The following RTBDN variants were observed in gnomAD, a reference collection of about 807,000 sequenced individuals.
RTBDN encodes the protein retbindin.
In RTBDN, 24 loss-of-function variants were observed where a neutral mutation model predicts 21.9. That is an observed-to-expected ratio of 1.10 (90% CI 0.79 to 1.54). RTBDN has a LOEUF of 1.54. Ranked by LOEUF, RTBDN falls within the 40% of genes most tolerant of loss-of-function variation. RTBDN has a pLI of 0.00. For missense variants in RTBDN, 325 were observed against 315.2 expected (o/e 1.03, Z -0.23); for synonymous variants, 141 against 125.9 (o/e 1.12, Z -0.80).
At chr19:12,834,819 C>A (rs1409539841), upstream of RTBDN, 3 of 1,614,194 alleles carry the variant, frequency 1.9e-6, no homozygotes, top group Admixed American at 3.3e-5. This position sits in a 1 kb window ranked among gnomAD's most constrained non-coding sequence, Gnocchi z 4.7. Flanking sequence ...AGCCGAGAAG[C>A]GTCCTCTGCT....
In RTBDN at chr19:12,828,930, C is replaced by A; in HGVS notation, c.193G>T (p.Asp65Tyr). 6.2e-7 allele frequency: 1 copy of A among 1,614,148 alleles called. No homozygotes were observed. Among genetic ancestry groups the A allele is most frequent in the Non-Finnish European group, 8.5e-7 (1 of 1,180,020 alleles). The change falls in exon 3 of 6, where the codon GAC becomes TAC. Residue 65 changes from aspartate to tyrosine, a missense_variant. By Grantham distance (160) the Asp-to-Tyr change is radical. Coordinates refer to ENST00000674343, the MANE Select transcript of RTBDN (RefSeq NM_001270441.2). ...LAGPCCPSEM[D>Y]TTETSGPGNH... ...CCAGGGCCCGATGTCTCTGTTGTGT[C>A]CATCTCTGAGGGACAACAAGGTCCT...
At chr19:12,828,321 G>A (rs1969403226) in intron 4 of RTBDN, among the ~76,000 whole-genome samples, 1 of 151,112 alleles carries the variant, frequency 6.6e-6, no homozygotes, top group Non-Finnish European at 1.5e-5. Flanking sequence ...GCTTGAACCC[G>A]GGAAGTGGAG....
chr19:12,826,226 G>A, intron 5 of RTBDN: 5 of 1,312,062 alleles, frequency 3.8e-6, no homozygotes, highest in Non-Finnish European at 3.9e-6. Context: ...GTCCTCCAGG[G>A]TAAAATGTGG....
intron 2 of RTBDN, chr19:12,829,166 G>A: frequency 1.3e-6 from 1 of 780,910 alleles, no homozygotes; most frequent in South Asian, 2.0e-5. Flanking sequence ...CATGTGCCTG[G>A]TAGTGACACA....
rs5827165 is a variant in RTBDN, at chr19:12,830,838, AGTGTGT to A, written c.-18-847_-18-842del. ...AAGCTCTGTATCTATATATGTGGGG[AGTGTGT>A]GTGTGTGTGTGTGTGTGTATGTGTG... On this transcript the variant is annotated intron_variant, in intron 1 of 5. Transcript: ENST00000674343. The surrounding 1 kb of genome is among the most constrained non-coding windows in gnomAD (Gnocchi z 4.2). Among the ~76,000 whole-genome samples, 2,879 of 146,824 alleles carry A rather than the reference AGTGTGT, an allele frequency of 0.02. 52 individuals carry two copies. Among genetic ancestry groups the A allele is most frequent in the Middle Eastern group, 0.096 (27 of 280 alleles).
At chr19:12,834,783 A>G (rs1002855374), upstream of RTBDN, 2 of 1,613,888 alleles carry the variant, frequency 1.2e-6, no homozygotes, top group Admixed American at 3.3e-5. The surrounding 1 kb of genome is among the most constrained non-coding windows in gnomAD (Gnocchi z 4.7). Flanking sequence ...AGGAGCTCCT[A>G]CCTCCAAGGT....
chr19:12,828,848 G>A (rs1969434031), intron 3 of RTBDN, 21 bp downstream of exon 3: 2 of 1,614,166 alleles, frequency 1.2e-6, no homozygotes, highest in East Asian at 2.2e-5. Flanking sequence ...GCGAGAAAAC[G>A]GTGGAGGGTG....
intron 1 of RTBDN, among the ~76,000 whole-genome samples, chr19:12,831,284 T>G (rs985382733): frequency 1.3e-5 from 2 of 152,232 alleles, no homozygotes; most frequent in African/African-American, 4.8e-5. Context: ...ACACATTATG[T>G]GTCCTTCTGA....
At position 12,830,233 on chromosome 19, in the gene RTBDN, C is replaced by T; in HGVS notation, c.-18-236G>A. 7.8e-7 allele frequency: 1 copy of T among 1,285,548 alleles called. No homozygotes were observed. The highest frequency in any genetic ancestry group is 9.9e-7 in the Non-Finnish European group (1 of 1,012,396). 79.6% of individuals were successfully genotyped at this position (1,285,548 alleles called of 1,614,324 possible). On this transcript the variant is annotated intron_variant, in intron 1 of 5. Transcript: ENST00000674343. The surrounding 1 kb of genome is among the most constrained non-coding windows in gnomAD (Gnocchi z 4.2). ...CTATGTCCCTTCAGTGCCACCCCAA[C>T]CAAGCTTAGACCACAGTGGCCCTCC...
upstream of RTBDN, chr19:12,834,849 G>C (rs1290560893): frequency 1.2e-6 from 2 of 1,614,200 alleles, no homozygotes; most frequent in South Asian, 1.1e-5. The surrounding 1 kb of genome is among the most constrained non-coding windows in gnomAD (Gnocchi z 4.7). Context: ...CTGCGTTTCT[G>C]AGGGGTTAGT....
In RTBDN at chr19:12,825,789, A is replaced by T; in HGVS notation, c.607T>A (p.Ser203Thr). 8 of 1,610,986 alleles carry T rather than the reference A, an allele frequency of 5.0e-6. No individual in the cohort carries two copies. The highest frequency in any genetic ancestry group is 6.8e-6 in the Non-Finnish European group (8 of 1,178,204). ...GTGCGAGGGCTGCGGGAACGCCGGG[A>T]GGGAGCTTCCCGGCCCCGTCGTCCT... ...RPGRRGREAPSRRSRSPRTSI... is the reference protein window; with the variant it reads ...RPGRRGREAPTRRSRSPRTSI... Residue 203 changes from serine to threonine, a missense_variant, in exon 6 of 6, where the codon TCC becomes ACC. Coordinates refer to ENST00000674343, the MANE Select transcript of RTBDN (RefSeq NM_001270441.2).
Position 12,828,923 on chromosome 19 carries a change from GT to G in RTBDN, c.199del (p.Thr67GlnfsTer196), listed in dbSNP as rs1309940590. Reference protein sequence around the residue: ...GPCCPSEMDTTETSGPGNHPE... With the variant: ...GPCCPSEMDTXETSGPGNHPE... ...ATGGTTTCCAGGGCCCGATGTCTCTGTTGTGTCCATCTCTGAGGGACAACAA... is the reference window on the plus strand; with the variant it reads ...ATGGTTTCCAGGGCCCGATGTCTCTGTGTGTCCATCTCTGAGGGACAACAA... On this transcript the variant is annotated frameshift_variant, in exon 3 of 6. Coordinates refer to ENST00000674343, the MANE Select transcript of RTBDN (RefSeq NM_001270441.2). LOFTEE classifies it high-confidence loss of function. 1 of 1,614,178 alleles carries G rather than the reference GT, an allele frequency of 6.2e-7. No individual in the cohort carries two copies. Among genetic ancestry groups the G allele is most frequent in the Non-Finnish European group, 8.5e-7 (1 of 1,180,016 alleles).
intron 1 of RTBDN, among the ~76,000 whole-genome samples, chr19:12,833,144 G>T (rs1969637289): frequency 6.6e-6 from 1 of 152,176 alleles, no homozygotes; most frequent in South Asian, 2.1e-4. Context: ...CCCTGAGGAG[G>T]CTCTGATTGT....
chr19:12,829,548 T>C lies in RTBDN; in HGVS notation c.169+263A>G, dbSNP rs1969472982. 2.0e-5 allele frequency among the ~76,000 whole-genome samples: 3 copies of C among 152,186 alleles called. No individual in the cohort carries two copies. In the South Asian group the frequency reaches 6.2e-4, roughly 32 times the overall value. On this transcript the variant is annotated intron_variant, in intron 2 of 5. Transcript: ENST00000674343. ...CTTAACAACAGCTCTGCGAGGTATA[T>C]TTGTTATTTCTCTCTTTTTGGGGGT...
At position 12,825,945 on chromosome 19, in the gene RTBDN, T is replaced by C. The variant is rs559128994; in HGVS notation, c.463-12A>G. 1.9e-6 allele frequency: 3 copies of C among 1,563,596 alleles called. No homozygotes were observed. In the South Asian group the frequency reaches 3.5e-5, roughly 18 times the overall value. ...CCGTCTGCGAAGGTCTAGGAAAAAGTGGAGTTAAGGCCCTAGTGGGCGGAG... is the reference window on the plus strand; with the variant it reads ...CCGTCTGCGAAGGTCTAGGAAAAAGCGGAGTTAAGGCCCTAGTGGGCGGAG... On this transcript the variant is annotated splice_polypyrimidine_tract_variant and intron_variant, in intron 5 of 5. Transcript: ENST00000674343.
chr19:12,826,519 C>T (rs1411584073), intron 5 of RTBDN: 4 of 784,778 alleles, frequency 5.1e-6, no homozygotes, highest in East Asian at 4.4e-5. Context: ...CATGGTGAAA[C>T]GCTGACTCTA....
At chr19:12,829,054 T>G (rs766416068) in intron 2 of RTBDN, 101 bp from the exon 3 acceptor site, 1 of 1,540,054 alleles carries the variant, frequency 6.5e-7, no homozygotes. Flanking sequence ...AACAATTACA[T>G]CAATCCTCAC....
rs1057133555 is a variant in RTBDN, at chr19:12,830,709, G to T, written c.-18-712C>A. On this transcript the variant is annotated intron_variant, in intron 1 of 5. Transcript: ENST00000674343. This position sits in a 1 kb window ranked among gnomAD's most constrained non-coding sequence, Gnocchi z 4.2. ...GGGGCGTGGCTTAATGCAGGGGCGG[G>T]ACCTCCCACCGTCCTGCCCACACTC... The T allele has an allele frequency of 2.0e-6, 2 of 984,242 alleles. No homozygotes were observed. The highest frequency in any genetic ancestry group is 2.4e-6 in the Non-Finnish European group (2 of 828,920). The allele number at this position is 984,242 out of a possible 1,614,324, so 61.0% of individuals were successfully genotyped here. A position where few individuals can be genotyped will look rare whatever the true frequency, so the allele number is the denominator to read the frequency against.
rs1969541444 is a variant in RTBDN, at chr19:12,830,741, A to T, written c.-18-744T>A. ...CACCGTCCTGCCCACACTCCAGCTGACCAAAGGCTGGCCGACTTGGGGCTG... is the reference window on the plus strand; with the variant it reads ...CACCGTCCTGCCCACACTCCAGCTGTCCAAAGGCTGGCCGACTTGGGGCTG... On this transcript the variant is annotated intron_variant, in intron 1 of 5. Transcript: ENST00000674343. This position sits in a 1 kb window ranked among gnomAD's most constrained non-coding sequence, Gnocchi z 4.2. 2 of 942,114 alleles carry T rather than the reference A, an allele frequency of 2.1e-6. No homozygotes were observed. Among genetic ancestry groups the T allele is most frequent in the Non-Finnish European group, 2.5e-6 (2 of 790,600 alleles). 58.4% of individuals were successfully genotyped at this position (942,114 alleles called of 1,614,324 possible). A position where few individuals can be genotyped will look rare whatever the true frequency, so the allele number is the denominator to read the frequency against.
Sources: allele counts gnomAD v4.1 joint callset (sites outside exome capture counted in the v4.1 genomes callset), GRCh38; gene constraint gnomAD v4.1.1; non-coding constraint Gnocchi (gnomAD v3.1); transcripts MANE v1.5; gene names NCBI Gene and HGNC (gene_info 2026-07-23, HGNC 2026-07-21).